PRKG2: variants seen among roughly 807,000 people sequenced by gnomAD.
The protein encoded by PRKG2 is protein kinase cGMP-dependent 2.
PRKG2 carries 33 observed loss-of-function variants against 97.2 expected under a neutral mutation model. The ratio of observed to expected loss-of-function variants is 0.34; its 90% CI spans 0.26 to 0.45. PRKG2 has a LOEUF of 0.45. Ranked by LOEUF, PRKG2 falls within the 20% of genes least tolerant of loss-of-function variation. The pLI, the probability that PRKG2 is intolerant of heterozygous loss-of-function variation, is 1.00. For synonymous variants in PRKG2, 330 were observed against 321.8 expected (o/e 1.03, Z -0.27); for missense variants, 638 against 900.0 (o/e 0.71, Z 3.73).
Position 81,171,788 on chromosome 4 carries a change from C to T in PRKG2, c.645G>A (p.Val215=). 1.9e-6 allele frequency: 3 copies of T among 1,607,934 alleles called. No individual in the cohort carries two copies. Among genetic ancestry groups the T allele is most frequent in the East Asian group, 2.2e-5 (1 of 44,778 alleles). The change falls in exon 4 of 19, where the codon GTG becomes GTA. Residue 215 remains valine, a synonymous_variant. Transcript: ENST00000264399. ...AGGACAGCAATTTCTCCCCTTGGAACACCTCTAGTCGACCCTCTATCAAGC... is the reference window on the plus strand; with the variant it reads ...AGGACAGCAATTTCTCCCCTTGGAATACCTCTAGTCGACCCTCTATCAAGC... The part of the protein sequence containing the change: ...IFVLAEGRLE[V]FQGEKLLSSI...
rs1047503891 is a variant in PRKG2 at position 81,204,747 on chromosome 4, C to T, written c.301G>A (p.Val101Met). 1 of 1,614,202 alleles carries T rather than the reference C, an allele frequency of 6.2e-7. No homozygotes were observed. Among genetic ancestry groups the T allele is most frequent in the Non-Finnish European group, 8.5e-7 (1 of 1,180,036 alleles). Residue 101 changes from valine (V) to methionine (M), a missense_variant, in exon 2 of 19, where the codon GTG becomes ATG. Physicochemically the swap from Val to Met is conservative, Grantham distance 21. Transcript: ENST00000264399. ...GTCTTCCGGTGGACCTCAAGAGGCA[C>T]TTTATCTGGAGAGGCCTGAAGCGGG... is the stretch of plus-strand genomic sequence containing the variant. The part of the protein sequence containing the change: ...GSPLQASPDK[V>M]PLEVHRKTSG...
At chr4:81,136,911 G>A (rs968349629) in intron 13 of PRKG2, among the ~76,000 whole-genome samples, 5 of 152,126 alleles carry the variant, frequency 3.3e-5, no homozygotes, top group East Asian at 3.9e-4. Context: ...GACCCCCACC[G>A]TGCACTATGA....
rs935660656 is a variant in PRKG2 at position 81,144,167 on chromosome 4, T to G, written c.1253+65A>C. 3.2e-4 allele frequency: 463 copies of G among 1,426,904 alleles called. 1 individual carries two copies. Among genetic ancestry groups the G allele is most frequent in the Non-Finnish European group, 3.4e-4 (342 of 1,013,370 alleles). 88.4% of individuals were successfully genotyped at this position (1,426,904 alleles called of 1,614,324 possible). A position where few individuals can be genotyped will look rare whatever the true frequency, so the allele number is the denominator to read the frequency against. The stretch of plus-strand genomic sequence containing the variant: ...ACCACACAGCAAGTCACACCCTCTG[T>G]CCCCTTCTTTATTTATTGGCTGCCA... On this transcript the variant is annotated intron_variant, in intron 10 of 18. Coordinates refer to ENST00000264399, the MANE Select transcript of PRKG2 (RefSeq NM_006259.3).
intron 14 of PRKG2, among the ~76,000 whole-genome samples, chr4:81,123,398 TTTTGTTTG>T (rs554592731): frequency 1.3e-5 from 2 of 152,060 alleles, no homozygotes; most frequent in Non-Finnish European, 2.9e-5. Context: ...CATAGGTGAT[TTTTGTTTG>T]TTTGTTTGTT....
chr4:81,187,919 C>A (rs1357991621), intron 2 of PRKG2, among the ~76,000 whole-genome samples: 1 of 152,050 alleles, frequency 6.6e-6, no homozygotes, highest in Non-Finnish European at 1.5e-5. Context: ...CATAAAAACC[C>A]TAGAAGAAAA....
intron 9 of PRKG2, 86 bp downstream of exon 9, chr4:81,148,798 G>C: frequency 8.7e-7 from 1 of 1,154,252 alleles, no homozygotes; most frequent in Non-Finnish European, 1.3e-6. Flanking sequence ...GGTGATGAAT[G>C]AGAAAACAGA....
intron 14 of PRKG2, among the ~76,000 whole-genome samples, chr4:81,119,985 C>A (rs116700186): frequency 6.6e-6 from 1 of 152,114 alleles, no homozygotes; most frequent in Non-Finnish European, 1.5e-5. Context: ...TGATATCTTA[C>A]GGATACTGTT....
At chr4:81,129,741 C>T (rs527710194) in intron 14 of PRKG2, among the ~76,000 whole-genome samples, 5 of 152,186 alleles carry the variant, frequency 3.3e-5, no homozygotes, top group South Asian at 2.1e-4. Flanking sequence ...GCACATGAGA[C>T]GGTTCTCCTG....
At chr4:81,089,910 A>G in intron 18 of PRKG2, 107 bp from the exon 19 acceptor site, 1 of 880,118 alleles carries the variant, frequency 1.1e-6, no homozygotes, top group Non-Finnish European at 1.8e-6. Context: ...TACTGCAGCC[A>G]CTTGGAAGTT....
chr4:81,191,686 A>G (rs1752533766), intron 2 of PRKG2, among the ~76,000 whole-genome samples: 1 of 152,200 alleles, frequency 6.6e-6, no homozygotes, highest in Non-Finnish European at 1.5e-5. Flanking sequence ...GTTGTACTAC[A>G]GAGCTATGGG....
At chr4:81,197,048 G>C (rs954737696) in intron 2 of PRKG2, among the ~76,000 whole-genome samples, 1 of 152,214 alleles carries the variant, frequency 6.6e-6, no homozygotes, top group Non-Finnish European at 1.5e-5. Flanking sequence ...AGAGGCGACA[G>C]GAGCTGAGCT....
intron 17 of PRKG2, among the ~76,000 whole-genome samples, chr4:81,097,419 C>T (rs11937665): frequency 3.9e-5 from 6 of 152,118 alleles, no homozygotes; most frequent in East Asian, 3.9e-4. Context: ...TATAAAGCAC[C>T]GGCAGAGTAG....
chr4:81,157,465 G>T (rs1400186269), intron 6 of PRKG2, among the ~76,000 whole-genome samples: 1 of 152,116 alleles, frequency 6.6e-6, no homozygotes, highest in Non-Finnish European at 1.5e-5. Context: ...AAGAGTCCAG[G>T]ACCAGATGGA....
At chr4:81,160,545 A>G (rs931055821) in intron 6 of PRKG2, among the ~76,000 whole-genome samples, 6 of 152,170 alleles carry the variant, frequency 3.9e-5, no homozygotes, top group African/African-American at 1.2e-4. Context: ...AATATCCCCA[A>G]TGGATATTAG....
intron 16 of PRKG2, among the ~76,000 whole-genome samples, chr4:81,104,796 A>T (rs1489848571): frequency 6.6e-6 from 1 of 152,276 alleles, no homozygotes; most frequent in Non-Finnish European, 1.5e-5. Context: ...TCTTAGAAGC[A>T]TACTGGCAAC....
chr4:81,194,943 T>A (rs764377545), intron 2 of PRKG2, among the ~76,000 whole-genome samples: 11 of 149,734 alleles, frequency 7.3e-5, no homozygotes, highest in Middle Eastern at 3.5e-3. Context: ...TATACGCACC[T>A]ATAATCCATA....
chr4:81,213,049 G>A (rs1454753868), intron 1 of PRKG2, among the ~76,000 whole-genome samples: 4 of 152,188 alleles, frequency 2.6e-5, no homozygotes, highest in African/African-American at 7.2e-5. Context: ...ATAGGGCACC[G>A]TGTATGGGCT....
chr4:81,151,268 T>C (rs1170285428), intron 8 of PRKG2, among the ~76,000 whole-genome samples: 1 of 152,136 alleles, frequency 6.6e-6, no homozygotes, highest in Non-Finnish European at 1.5e-5. Flanking sequence ...ATAATTCCAA[T>C]AAAGTGTGTT....
In PRKG2 at chr4:81,215,096, G is replaced by T. The variant is rs1425449698; in HGVS notation, c.-174C>A. ...CCCCGCCGTGCACACGGTGCGCAGC[G>T]TGGGCCCGGGGCTGCCGGCTCAGTC... On this transcript the variant is annotated 5_prime_UTR_variant, in exon 1 of 19. Coordinates refer to ENST00000264399, the MANE Select transcript of PRKG2 (RefSeq NM_006259.3). The T allele has an allele frequency of 6.6e-6, 1 of 152,334 alleles. No individual in the cohort carries two copies. The highest frequency in any genetic ancestry group is 1.5e-5 in the Non-Finnish European group (1 of 68,158). The allele number at this position is 152,334 out of a possible 1,614,324, so 9.4% of individuals were successfully genotyped here.
Sources: allele counts gnomAD v4.1 joint callset (sites outside exome capture counted in the v4.1 genomes callset), GRCh38; gene constraint gnomAD v4.1.1; transcripts MANE v1.5; gene names NCBI Gene and HGNC (gene_info 2026-07-23, HGNC 2026-07-21).